The following CSMD2 variants were observed in gnomAD, a reference collection of about 807,000 sequenced individuals.
The protein encoded by CSMD2 is CUB and sushi domain-containing protein 2.
CSMD2 carries 130 observed loss-of-function variants against 398.5 expected under a neutral mutation model. That is an observed-to-expected ratio of 0.33 (90% CI 0.28 to 0.38). The LOEUF (loss-of-function observed/expected upper bound fraction) is 0.38. Ranked by LOEUF, CSMD2 falls within the 10% of genes least tolerant of loss-of-function variation. The probability of loss-of-function intolerance (pLI) is 1.00; values close to 1 mark genes in which losing one functional copy is unlikely to be tolerated. For missense variants in CSMD2, 3,829 were observed against 4,764.9 expected, an observed-to-expected ratio of 0.80 and a Z score of 5.78; for synonymous variants, 1,828 against 1,908.5, an observed-to-expected ratio of 0.96 and a Z score of 1.10.
At chr1:34,025,472 A>T (rs1310965063) in intron 3 of CSMD2, among the ~76,000 whole-genome samples, 1 of 152,218 alleles carries the variant, frequency 6.6e-6, no homozygotes, top group Non-Finnish European at 1.5e-5. Context: ...GTGTGAGGTC[A>T]ACCTCTCTGG....
chr1:33,723,697 G>C (rs1646432974), intron 19 of CSMD2, among the ~76,000 whole-genome samples: 1 of 152,188 alleles, frequency 6.6e-6, no homozygotes, highest in Admixed American at 6.5e-5. Flanking sequence ...GTATCTGAAG[G>C]GTGAATGTGA....
intron 3 of CSMD2, among the ~76,000 whole-genome samples, chr1:34,022,575 T>C (rs1375173826): frequency 1.3e-5 from 2 of 152,190 alleles, no homozygotes; most frequent in Non-Finnish European, 2.9e-5. Flanking sequence ...AGAATAGGGC[T>C]GTTGTACACA....
At chr1:33,978,982 T>C (rs1014710402) in intron 3 of CSMD2, among the ~76,000 whole-genome samples, 19 of 152,120 alleles carry the variant, frequency 1.2e-4, no homozygotes, top group African/African-American at 4.1e-4. Flanking sequence ...CCACATCACA[T>C]AGTCAATAAG....
chr1:33,659,869 A>G (rs59162504), intron 26 of CSMD2, among the ~76,000 whole-genome samples: 502 of 152,380 alleles, frequency 3.3e-3, no homozygotes, highest in African/African-American at 0.011. Context: ...ATTTTTGTAA[A>G]TAAAGTTTTA....
chr1:34,073,213 C>T lies in CSMD2; in HGVS notation c.404+15764G>A, dbSNP rs76607330. 7.9e-4 allele frequency among the ~76,000 whole-genome samples: 120 copies of T among 152,348 alleles called. 1 individual carries two copies. In the East Asian group the frequency reaches 0.022, roughly 28 times the overall value. ...CAGCTCCTACCAACAGGTTTGCCTC[C>T]GGATGGCAAATTTGCCAGCATTTAG... is the stretch of plus-strand genomic sequence containing the variant. On this transcript the variant is annotated intron_variant, in intron 2 of 70. Coordinates refer to ENST00000373381, the MANE Select transcript of CSMD2 (RefSeq NM_001281956.2).
chr1:33,566,306 CA>C (rs36061027), intron 53 of CSMD2, among the ~76,000 whole-genome samples: 71,831 of 148,344 alleles, frequency 0.48, 17,596 homozygotes, highest in Admixed American at 0.63. Flanking sequence ...TCAGGAACCT[CA>C]AAAAAAAAAA....
chr1:34,087,421 T>C (rs1005933401), intron 2 of CSMD2, among the ~76,000 whole-genome samples: 1 of 148,580 alleles, frequency 6.7e-6, no homozygotes, highest in African/African-American at 2.5e-5. Flanking sequence ...AGTTGAACAA[T>C]GAGAACACAT....
At chr1:33,784,690 G>A (rs1328509182) in intron 12 of CSMD2, among the ~76,000 whole-genome samples, 1 of 152,202 alleles carries the variant, frequency 6.6e-6, no homozygotes, top group Non-Finnish European at 1.5e-5. Context: ...GCCTATCAGA[G>A]CACCTGGAGG....
chr1:34,027,735 T>C (rs548432435), intron 3 of CSMD2, among the ~76,000 whole-genome samples: 4 of 152,362 alleles, frequency 2.6e-5, no homozygotes, highest in Admixed American at 1.3e-4. Context: ...ATTGCACAGA[T>C]AGCATAATCC....
In CSMD2 at chr1:33,730,594, C is replaced by T. The variant is rs1017686459; in HGVS notation, c.2369-3909G>A. Among the ~76,000 whole-genome samples the T allele has an allele frequency of 1.3e-4, 19 of 147,092 alleles. 1 individual carries two copies. Among genetic ancestry groups the T allele is most frequent in the Admixed American group, 1.1e-3 (16 of 14,852 alleles). The stretch of plus-strand genomic sequence containing the variant: ...AAAACACAATAATTTGATAGCCTAC[C>T]TTAATAGGATACAAAAAGAAATGAA... On this transcript the variant is annotated intron_variant, in intron 15 of 70. Coordinates refer to ENST00000373381, the MANE Select transcript of CSMD2 (RefSeq NM_001281956.2).
rs72889004 is a variant in CSMD2 at position 33,546,360 on chromosome 1, T to C, written c.8918-141A>G. 6,835 of 748,226 alleles carry C rather than the reference T, an allele frequency of 9.1e-3. 265 individuals carry two copies. In the African/African-American group the frequency reaches 0.097, roughly 11 times the overall value. 46.3% of individuals were successfully genotyped at this position (748,226 alleles called of 1,614,324 possible). A position where few individuals can be genotyped will look rare whatever the true frequency, so the allele number is the denominator to read the frequency against. ...AGGCCTAGCACAAGTTACCTGCACA[T>C]GCTCCTGCCTCCATATGCAATGGTG... is the stretch of plus-strand genomic sequence containing the variant. On this transcript the variant is annotated intron_variant, in intron 56 of 70. Coordinates refer to ENST00000373381, the MANE Select transcript of CSMD2 (RefSeq NM_001281956.2).
At chr1:34,120,292 TG>T (rs1165547599) in intron 1 of CSMD2, among the ~76,000 whole-genome samples, 1 of 152,180 alleles carries the variant, frequency 6.6e-6, no homozygotes, top group Non-Finnish European at 1.5e-5. Flanking sequence ...TGTCATGGGC[TG>T]GGGGAAAGGA....
In CSMD2 at chr1:33,743,693, G is replaced by C. The variant is rs1473241517; in HGVS notation, c.1847-87C>G. Reference sequence around the variant, plus strand: ...GGCTGGCAGGGGGAACATCTTCTTAGTCTAAAAAGCAACAGAAAGAAAGAG... The same window carrying C: ...GGCTGGCAGGGGGAACATCTTCTTACTCTAAAAAGCAACAGAAAGAAAGAG... On this transcript the variant is annotated intron_variant, in intron 13 of 70. Transcript: ENST00000373381. 6 of 973,774 alleles carry C rather than the reference G, an allele frequency of 6.2e-6. No individual in the cohort carries two copies. The Admixed American group carries it at 8.3e-5, about 13-fold the overall frequency. 60.3% of individuals were successfully genotyped at this position (973,774 alleles called of 1,614,324 possible). A position where few individuals can be genotyped will look rare whatever the true frequency, so the allele number is the denominator to read the frequency against.
chr1:34,038,041 C>T lies in CSMD2; in HGVS notation c.405-5335G>A, dbSNP rs1023539585. 7.2e-5 allele frequency among the ~76,000 whole-genome samples: 11 copies of T among 152,098 alleles called. 1 individual carries two copies. Among genetic ancestry groups the T allele is most frequent in the African/African-American group, 1.2e-4 (5 of 41,424 alleles). ...TCCAGCAGGGAGGATTCCTCAAAGG[C>T]GCTAGCTAAGGCTGGGGGAGGGGAT... On this transcript the variant is annotated intron_variant, in intron 2 of 70. Coordinates refer to ENST00000373381, the MANE Select transcript of CSMD2 (RefSeq NM_001281956.2).
intron 1 of CSMD2, among the ~76,000 whole-genome samples, chr1:34,141,785 T>C (rs1639318175): frequency 1.3e-5 from 2 of 151,928 alleles, no homozygotes; most frequent in South Asian, 4.2e-4. Flanking sequence ...TGGAGGAAAA[T>C]GGAAATAGGC....
rs181482091 is a variant in CSMD2, at chr1:33,838,279, G to T, written c.1033+8605C>A. ...CAGCCTTATACAATTTCTCCAATGT[G>T]TATCCTTCTTTCAATGTTCTAAGAC... On this transcript the variant is annotated intron_variant, in intron 6 of 70. Coordinates refer to ENST00000373381, the MANE Select transcript of CSMD2 (RefSeq NM_001281956.2). Among the ~76,000 whole-genome samples, 5 of 152,292 alleles carry T rather than the reference G, an allele frequency of 3.3e-5. No individual in the cohort carries two copies. The East Asian group carries it at 7.7e-4, about 23-fold the overall frequency.
intron 41 of CSMD2, among the ~76,000 whole-genome samples, chr1:33,607,984 T>G (rs1317645280): frequency 6.6e-6 from 1 of 152,188 alleles, no homozygotes; most frequent in Non-Finnish European, 1.5e-5. Context: ...ACTGGGCCTG[T>G]GGAGGCTGCA....
Position 33,825,733 on chromosome 1 carries a change from T to G in CSMD2, c.1075A>C (p.Met359Leu). 1 of 1,614,038 alleles carries G rather than the reference T, an allele frequency of 6.2e-7. No homozygotes were observed. Residue 359 changes from methionine (M) to leucine (L), a missense_variant, in exon 7 of 71, where the codon ATG becomes CTG. Met to Leu is a conservative substitution (Grantham distance 15). Around this residue, in one of 5 missense-constraint regions of CSMD2, gnomAD observed 2,001 missense variants for 2,567.1 expected, o/e 0.78. Transcript: ENST00000373381. ...IELKSRGVKLMPSKDNSQKTS... is the reference protein window; with the variant it reads ...IELKSRGVKLLPSKDNSQKTS... ...TTCTGGCTGTTGTCTTTGCTGGGCA[T>G]CAGCTTCACACCTCGAGACTTCAAC...
chr1:33,964,739 C>A (rs1210001760), intron 3 of CSMD2, among the ~76,000 whole-genome samples: 1 of 152,094 alleles, frequency 6.6e-6, no homozygotes, highest in Non-Finnish European at 1.5e-5. Context: ...CCTTCCTGGC[C>A]CTAGATGGTT....
Sources: gnomAD v4.1 joint callset for allele counts (sites outside exome capture counted in the v4.1 genomes callset) on GRCh38, gnomAD v4.1.1 for gene constraint, gnomAD v4.1.1 regional missense constraint, MANE v1.5 for transcripts, NCBI Gene and HGNC (gene_info 2026-07-23, HGNC 2026-07-21) for gene names.